Variants in KCNG3 observed in about 807,000 individuals in gnomAD.
KCNG3 encodes the protein potassium voltage-gated channel modifier subfamily G member 3, also known as voltage-gated potassium channel regulatory subunit KCNG3.
In KCNG3, 15 loss-of-function variants were observed where a neutral mutation model predicts 29.0. That is an observed-to-expected ratio of 0.52 (90% CI 0.35 to 0.80). The LOEUF (loss-of-function observed/expected upper bound fraction) is 0.80, where lower values mean the gene tolerates loss of function less well. Ranked by LOEUF, KCNG3 falls within the 30% of genes least tolerant of loss-of-function variation. The pLI, the probability that KCNG3 is intolerant of heterozygous loss-of-function variation, is 0.01. For synonymous variants in KCNG3, 322 were observed against 248.9 expected, an observed-to-expected ratio of 1.29 and a Z score of -2.76; for missense variants, 512 against 605.7, an observed-to-expected ratio of 0.85 and a Z score of 1.62.
At chr2:42,471,312 C>T (rs1003197095) in intron 1 of KCNG3, among the ~76,000 whole-genome samples, 2 of 151,898 alleles carry the variant, frequency 1.3e-5, no homozygotes, top group African/African-American at 4.8e-5. Flanking sequence ...CATAACCATA[C>T]AATAGATTAT....
downstream of KCNG3, among the ~76,000 whole-genome samples, chr2:42,440,648 G>C (rs534195196): frequency 3.0e-3 from 453 of 152,298 alleles, 1 homozygote; most frequent in African/African-American, 0.01. Context: ...CTTATTGACA[G>C]CCATTGTGGA....
chr2:42,445,186 T>C (rs891379557), intron 1 of KCNG3, among the ~76,000 whole-genome samples: 2 of 152,134 alleles, frequency 1.3e-5, no homozygotes, highest in African/African-American at 2.4e-5. Flanking sequence ...ATCTCTCTTA[T>C]TTGGTAGTTT....
the KCNG3 span, among the ~76,000 whole-genome samples, chr2:42,403,725 A>C: frequency 6.7e-6 from 1 of 149,122 alleles, no homozygotes; most frequent in Admixed American, 6.8e-5. Flanking sequence ...TCGGCCTCCC[A>C]AAGTGCTAAG....
At chr2:42,418,443 G>A in the KCNG3 span, among the ~76,000 whole-genome samples, 11 of 152,214 alleles carry the variant, frequency 7.2e-5, no homozygotes, top group South Asian at 6.2e-4. Flanking sequence ...AAAAAATACC[G>A]CAAATAAACC....
At chr2:42,470,719 T>G (rs1673264178) in intron 1 of KCNG3, among the ~76,000 whole-genome samples, 2 of 149,348 alleles carry the variant, frequency 1.3e-5, no homozygotes, top group African/African-American at 5.0e-5. Flanking sequence ...TACAAAAAAG[T>G]ACAAAAATTA....
chr2:42,465,223 T>C (rs1197681940), intron 1 of KCNG3, among the ~76,000 whole-genome samples: 2 of 146,228 alleles, frequency 1.4e-5, no homozygotes, highest in Admixed American at 6.8e-5. Context: ...CTTTCTTTCT[T>C]TTTTTTTTTT....
chr2:42,435,604 G>A, the KCNG3 span, among the ~76,000 whole-genome samples: 4 of 152,154 alleles, frequency 2.6e-5, no homozygotes, highest in East Asian at 5.8e-4. Flanking sequence ...TAAGGGCAGG[G>A]GTTTAAGTAG....
the KCNG3 span, among the ~76,000 whole-genome samples, chr2:42,398,665 A>C: frequency 6.6e-6 from 1 of 152,352 alleles, no homozygotes; most frequent in Admixed American, 6.5e-5. Flanking sequence ...ACAAGATGTC[A>C]ACAAGCTGTG....
At chr2:42,432,144 T>A in the KCNG3 span, among the ~76,000 whole-genome samples, 1 of 152,176 alleles carries the variant, frequency 6.6e-6, no homozygotes, top group East Asian at 1.9e-4. Context: ...GCAAGGCCCG[T>A]TGATGGTCAT....
At chr2:42,448,211 G>C (rs548053923) in intron 1 of KCNG3, among the ~76,000 whole-genome samples, 1 of 152,296 alleles carries the variant, frequency 6.6e-6, no homozygotes, top group Non-Finnish European at 1.5e-5. Flanking sequence ...ATATCCTTCA[G>C]AGTATCAGGC....
chr2:42,482,903 T>G (rs547662543), intron 1 of KCNG3, among the ~76,000 whole-genome samples: 11 of 152,016 alleles, frequency 7.2e-5, no homozygotes, highest in African/African-American at 2.7e-4. Context: ...CATGGATCAC[T>G]CAAGTCCAGG....
At chr2:42,401,110 T>C in the KCNG3 span, among the ~76,000 whole-genome samples, 1 of 150,300 alleles carries the variant, frequency 6.7e-6, no homozygotes, top group African/African-American at 2.4e-5. Context: ...TACACTTGTC[T>C]ATATGTATAT....
At position 42,493,717 on chromosome 2, in the gene KCNG3, C is replaced by T. The variant is rs1572873862; in HGVS notation, c.-216G>A. 4 of 359,152 alleles carry T rather than the reference C, an allele frequency of 1.1e-5. No homozygotes were observed. Among genetic ancestry groups the T allele is most frequent in the Non-Finnish European group, 2.0e-5 (4 of 204,274 alleles). The allele number at this position is 359,152 out of a possible 1,614,324, so 22.2% of individuals were successfully genotyped here. On this transcript the variant is annotated 5_prime_UTR_variant, in exon 1 of 2. Transcript: ENST00000306078. ...TAGCGCGCCCTCCGCCCGGCGGTAC[C>T]TGCGGGTGGCCGGGGAGTCCTCGCC... is the stretch of plus-strand genomic sequence containing the variant.
chr2:42,411,628 G>A, the KCNG3 span, among the ~76,000 whole-genome samples: 1 of 152,020 alleles, frequency 6.6e-6, no homozygotes, highest in Non-Finnish European at 1.5e-5. Flanking sequence ...GCTTACAGGT[G>A]TGCACCACCA....
intron 1 of KCNG3, among the ~76,000 whole-genome samples, chr2:42,448,373 T>G (rs1189539470): frequency 1.3e-5 from 2 of 151,634 alleles, no homozygotes; most frequent in Non-Finnish European, 2.9e-5. Flanking sequence ...ATTTATTTAT[T>G]TATTTATTTA....
At chr2:42,404,947 G>C in the KCNG3 span, among the ~76,000 whole-genome samples, 3 of 152,134 alleles carry the variant, frequency 2.0e-5, no homozygotes, top group African/African-American at 7.2e-5. Context: ...GACCCCCAAA[G>C]CCGGATCCTG....
intron 1 of KCNG3, among the ~76,000 whole-genome samples, chr2:42,483,938 C>T (rs1451260150): frequency 6.6e-6 from 1 of 152,070 alleles, no homozygotes; most frequent in Non-Finnish European, 1.5e-5. Flanking sequence ...ATTACAGGAG[C>T]ACGTCACCAC....
chr2:42,476,661 T>C (rs1351659952), intron 1 of KCNG3, among the ~76,000 whole-genome samples: 9 of 150,740 alleles, frequency 6.0e-5, no homozygotes. Context: ...TAATGTTTTT[T>C]GTATTTTTAG....
At chr2:42,415,881 A>G in the KCNG3 span, among the ~76,000 whole-genome samples, 2 of 152,218 alleles carry the variant, frequency 1.3e-5, no homozygotes, top group East Asian at 1.9e-4. Context: ...TGTGGAATCT[A>G]TAACACTATC....
Sources: gnomAD v4.1 joint callset for allele counts (sites outside exome capture counted in the v4.1 genomes callset) on GRCh38, gnomAD v4.1.1 for gene constraint, MANE v1.5 for transcripts, NCBI Gene and HGNC (gene_info 2026-07-23, HGNC 2026-07-21) for gene names.